TNFSF4: variants seen among roughly 807,000 people sequenced by gnomAD.
TNFSF4 encodes the protein tumor necrosis factor ligand superfamily member 4.
A neutral mutation model predicts 7.3 loss-of-function variants in TNFSF4; 4 were observed. That is an observed-to-expected ratio of 0.55 (90% CI 0.27 to 1.25). The LOEUF (loss-of-function observed/expected upper bound fraction) is 1.25. Among genes scored for constraint, TNFSF4 ranks in the 50% most tolerant of loss-of-function variants. TNFSF4 has a pLI of 0.12. For missense variants in TNFSF4, 181 were observed against 208.8 expected (o/e 0.87, Z 0.82); for synonymous variants, 76 against 83.7 (o/e 0.91, Z 0.50).
the TNFSF4 span, among the ~76,000 whole-genome samples, chr1:173,439,685 C>T: frequency 6.6e-6 from 1 of 152,142 alleles, no homozygotes; most frequent in Non-Finnish European, 1.5e-5. Context: ...TCAGTGACAC[C>T]AGGGACACAG....
chr1:173,197,115 A>G (rs1165240003), intron 1 of TNFSF4, among the ~76,000 whole-genome samples: 1 of 152,232 alleles, frequency 6.6e-6, no homozygotes, highest in Non-Finnish European at 1.5e-5. Flanking sequence ...TACATTGCTC[A>G]AGGTTTTAGA....
At chr1:173,278,959 GTAAAATTTAAAAC>G in the TNFSF4 span, among the ~76,000 whole-genome samples, 3 of 152,080 alleles carry the variant, frequency 2.0e-5, no homozygotes, top group African/African-American at 7.2e-5. Flanking sequence ...ATCCAAACAT[GTAAAATTTAAAAC>G]TTTTACTAGG....
the TNFSF4 span, among the ~76,000 whole-genome samples, chr1:173,286,648 AAAAAAATAAAAGAATCTC>A: frequency 1.8e-4 from 28 of 152,156 alleles, no homozygotes; most frequent in Admixed American, 1.8e-3. Flanking sequence ...ATTCTAATAG[AAAAAAATAAAAGAATCTC>A]TTTCTGAACT....
the TNFSF4 span, among the ~76,000 whole-genome samples, chr1:173,408,900 A>G: frequency 6.6e-6 from 1 of 152,164 alleles, no homozygotes; most frequent in Non-Finnish European, 1.5e-5. Flanking sequence ...AGAATGGGAT[A>G]TTTAAATAGT....
At chr1:173,322,553 G>A in the TNFSF4 span, among the ~76,000 whole-genome samples, 32 of 152,268 alleles carry the variant, frequency 2.1e-4, no homozygotes, top group African/African-American at 7.2e-4. Flanking sequence ...GACACTGGGT[G>A]CAGCACACTG....
chr1:173,413,969 C>T, the TNFSF4 span, among the ~76,000 whole-genome samples: 1 of 152,292 alleles, frequency 6.6e-6, no homozygotes, highest in South Asian at 2.1e-4. Flanking sequence ...AAGGTGTCTG[C>T]TGGCAAAAGA....
the TNFSF4 span, among the ~76,000 whole-genome samples, chr1:173,324,593 A>G: frequency 1.3e-5 from 2 of 152,256 alleles, no homozygotes; most frequent in South Asian, 4.1e-4. Flanking sequence ...GTCAAGACCC[A>G]TCAGTGCGCT....
chr1:173,196,131 C>A (rs979443233), intron 1 of TNFSF4, among the ~76,000 whole-genome samples: 2 of 152,070 alleles, frequency 1.3e-5, no homozygotes, highest in Admixed American at 1.3e-4. Context: ...GTGGAAGCAG[C>A]CCCCTTACAA....
chr1:173,438,946 C>G, the TNFSF4 span, among the ~76,000 whole-genome samples: 2 of 152,228 alleles, frequency 1.3e-5, no homozygotes, highest in Non-Finnish European at 1.5e-5. Context: ...ACATAAAGCA[C>G]AACCCTCATC....
the TNFSF4 span, among the ~76,000 whole-genome samples, chr1:173,342,408 A>G: frequency 6.6e-6 from 1 of 152,166 alleles, no homozygotes. Context: ...GATTCTCCAT[A>G]AGCAAATCAC....
chr1:173,233,990 C>T, the TNFSF4 span, among the ~76,000 whole-genome samples: 3 of 151,920 alleles, frequency 2.0e-5, no homozygotes, highest in East Asian at 1.9e-4. Context: ...CAAAAGAAAC[C>T]ACCATCAGAG....
the TNFSF4 span, among the ~76,000 whole-genome samples, chr1:173,254,384 C>A: frequency 6.6e-6 from 1 of 152,078 alleles, no homozygotes; most frequent in Non-Finnish European, 1.5e-5. Context: ...TAATATCAGG[C>A]TGCTTCAGTT....
chr1:173,348,501 A>G, the TNFSF4 span, among the ~76,000 whole-genome samples: 1 of 146,704 alleles, frequency 6.8e-6, no homozygotes, highest in African/African-American at 2.5e-5. Context: ...CCATCTCAAA[A>G]AGCTTGAAAA....
the TNFSF4 span, among the ~76,000 whole-genome samples, chr1:173,275,136 C>T: frequency 6.6e-6 from 1 of 152,076 alleles, no homozygotes; most frequent in Non-Finnish European, 1.5e-5. Context: ...CATGGCAGAG[C>T]ATGCAGCACA....
At chr1:173,442,545 G>GTTTTTTTTTTTTTTTTTTTTTTTTTT in the TNFSF4 span, among the ~76,000 whole-genome samples, 16 of 93,450 alleles carry the variant, frequency 1.7e-4, 7 homozygotes, top group Admixed American at 2.5e-4. Flanking sequence ...TTTCGTTTTT[G>GTTTTTTTTTTTTTTTTTTTTTTTTTT]TTTTTGTTTT....
chr1:173,319,191 G>T, the TNFSF4 span, among the ~76,000 whole-genome samples: 7 of 152,196 alleles, frequency 4.6e-5, no homozygotes, highest in African/African-American at 1.7e-4. Flanking sequence ...GTTTTAGTAG[G>T]TGGTTTTCCC....
chr1:173,413,168 T>C, the TNFSF4 span, among the ~76,000 whole-genome samples: 1 of 152,130 alleles, frequency 6.6e-6, no homozygotes. Context: ...GAGGTGGGCC[T>C]TACCTTTAGC....
the TNFSF4 span, among the ~76,000 whole-genome samples, chr1:173,213,102 G>A: frequency 3.9e-5 from 6 of 152,238 alleles, no homozygotes; most frequent in Admixed American, 3.9e-4. Flanking sequence ...GCTGGACTTT[G>A]ATCTTAGAGG....
chr1:173,378,706 A>G, the TNFSF4 span, among the ~76,000 whole-genome samples: 14 of 152,292 alleles, frequency 9.2e-5, no homozygotes, highest in South Asian at 2.5e-3. Context: ...GAGGGAGAAT[A>G]CACAACTATG....
Sources: gnomAD v4.1 joint callset for allele counts (sites outside exome capture counted in the v4.1 genomes callset) on GRCh38, gnomAD v4.1.1 for gene constraint, MANE v1.5 for transcripts, NCBI Gene and HGNC (gene_info 2026-07-23, HGNC 2026-07-21) for gene names.